Variants in AP3D1 observed in about 807,000 individuals in gnomAD.
AP3D1 encodes AP-3 complex subunit delta-1.
AP3D1 carries 51 observed loss-of-function variants against 147.6 expected under a neutral mutation model. The ratio of observed to expected loss-of-function variants is 0.35; its 90% CI spans 0.28 to 0.44. The LOEUF (loss-of-function observed/expected upper bound fraction) is 0.44, where lower values mean the gene tolerates loss of function less well. Ranked by LOEUF, AP3D1 falls within the 20% of genes least tolerant of loss-of-function variation. The probability of loss-of-function intolerance (pLI) is 1.00; values close to 1 mark genes in which losing one functional copy is unlikely to be tolerated. For missense variants in AP3D1, 1,421 were observed against 1,624.2 expected (o/e 0.87, Z 2.15); for synonymous variants, 760 against 663.0 (o/e 1.15, Z -2.25).
chr19:2,151,819 G>T (rs2019530256), upstream of AP3D1, among the ~76,000 whole-genome samples: 1 of 152,220 alleles, frequency 6.6e-6, no homozygotes, highest in Non-Finnish European at 1.5e-5. Flanking sequence ...CCCTAGCCAC[G>T]CCCCTTAGAG....
At chr19:2,124,580 C>T (rs1212443189) in intron 9 of AP3D1, among the ~76,000 whole-genome samples, 2 of 152,098 alleles carry the variant, frequency 1.3e-5, no homozygotes, top group Non-Finnish European at 2.9e-5. Flanking sequence ...TGTGCGTGTG[C>T]GTGTGCATGT....
chr19:2,143,266 A>G (rs550498040), intron 1 of AP3D1, among the ~76,000 whole-genome samples: 16 of 107,702 alleles, frequency 1.5e-4, no homozygotes, highest in East Asian at 8.9e-4. Context: ...TTTGAGACAG[A>G]GTCCTGCTCT....
At chr19:2,125,974 T>C (rs923099360) in intron 9 of AP3D1, among the ~76,000 whole-genome samples, 4 of 151,874 alleles carry the variant, frequency 2.6e-5, no homozygotes, top group African/African-American at 9.7e-5. Flanking sequence ...TAGTGAGACC[T>C]TGTCTCTACC....
At chr19:2,138,596 G>T in intron 2 of AP3D1, 23 bp downstream of exon 2, 2 of 1,587,056 alleles carry the variant, frequency 1.3e-6, no homozygotes, top group Non-Finnish European at 1.7e-6. Context: ...AGTGCTGGGC[G>T]CTGGCCACTG....
rs376618271 is a variant in AP3D1 at position 2,111,272 on chromosome 19, G to T, written c.2985+13C>A. 2 of 1,613,726 alleles carry T rather than the reference G, an allele frequency of 1.2e-6. No homozygotes were observed. The highest frequency in any genetic ancestry group is 1.3e-5 in the African/African-American group (1 of 74,920). On this transcript the variant is annotated intron_variant, in intron 26 of 31. Coordinates refer to ENST00000643116, the MANE Select transcript of AP3D1 (RefSeq NM_001261826.3). Reference sequence around the variant, plus strand: ...GCTGGCCCACCCTGCCCCTGGGAGCGGCTGCCACTCACCATTTTAACATAG... The same window carrying T: ...GCTGGCCCACCCTGCCCCTGGGAGCTGCTGCCACTCACCATTTTAACATAG...
chr19:2,154,229 G>A (rs2019627096), upstream of AP3D1, among the ~76,000 whole-genome samples: 1 of 151,318 alleles, frequency 6.6e-6, no homozygotes, highest in Non-Finnish European at 1.5e-5. Context: ...AATTACAGGT[G>A]TGAGCCACTG....
At chr19:2,142,849 G>A (rs544650692) in intron 1 of AP3D1, among the ~76,000 whole-genome samples, 2 of 151,442 alleles carry the variant, frequency 1.3e-5, no homozygotes, top group South Asian at 4.2e-4. Flanking sequence ...CACAACCTCC[G>A]CCTCCCAAGC....
At chr19:2,153,286 A>T (rs61309132), upstream of AP3D1, among the ~76,000 whole-genome samples, 17,783 of 151,368 alleles carry the variant, frequency 0.12, 1,281 homozygotes, top group East Asian at 0.22. Context: ...AGGCAGGAGA[A>T]TGACATGAGT....
intron 1 of AP3D1, among the ~76,000 whole-genome samples, chr19:2,147,345 C>CAAA (rs71176517): frequency 1.2e-5 from 1 of 80,284 alleles, no homozygotes; most frequent in African/African-American, 5.0e-5. Context: ...AACTCTGTCT[C>CAAA]AAAAAAAAAA....
At chr19:2,110,390 T>G (rs1438509984) in intron 27 of AP3D1, among the ~76,000 whole-genome samples, 166 bp from the exon 28 acceptor site, 5 of 152,078 alleles carry the variant, frequency 3.3e-5, no homozygotes, top group African/African-American at 2.4e-5. Context: ...AGGCTACTGG[T>G]GTCCCTAATT....
chr19:2,114,000 G>A, intron 22 of AP3D1, 125 bp downstream of exon 22: 1 of 1,445,824 alleles, frequency 6.9e-7, no homozygotes, highest in Non-Finnish European at 9.1e-7. Flanking sequence ...CACAGGGCGA[G>A]GCGGCTGGCA....
chr19:2,163,481 C>T (rs111517654), intron 1 of AP3D1, among the ~76,000 whole-genome samples: 5,963 of 143,942 alleles, frequency 0.041, 386 homozygotes, highest in African/African-American at 0.14. Context: ...GGTGAATCAC[C>T]GCGCCTGGCC....
intron 1 of AP3D1, among the ~76,000 whole-genome samples, chr19:2,139,146 G>C (rs1223259410): frequency 6.6e-6 from 1 of 150,638 alleles, no homozygotes; most frequent in Non-Finnish European, 1.5e-5. Context: ...GAAATGTCCA[G>C]ATCAGGCCAA....
At chr19:2,141,075 TG>T in intron 1 of AP3D1, among the ~76,000 whole-genome samples, 1 of 151,886 alleles carries the variant, frequency 6.6e-6, no homozygotes, top group Admixed American at 6.6e-5. Flanking sequence ...AGAAAAAAAA[TG>T]TATTAGTTGG....
At chr19:2,112,030 T>C (rs1429963907) in intron 24 of AP3D1, 9 of 812,662 alleles carry the variant, frequency 1.1e-5, no homozygotes, top group East Asian at 5.5e-5. Context: ...CCGTCTCTGG[T>C]TGGCGGCAAG....
At chr19:2,137,334 G>A (rs907607441) in intron 3 of AP3D1, among the ~76,000 whole-genome samples, 10 of 150,966 alleles carry the variant, frequency 6.6e-5, no homozygotes, top group Non-Finnish European at 1.3e-4. Flanking sequence ...TTTTCTTGGA[G>A]ACAAAGTCTC....
chr19:2,107,759 AGTGC>A (rs1257746711), intron 31 of AP3D1, among the ~76,000 whole-genome samples: 1 of 151,624 alleles, frequency 6.6e-6, no homozygotes, highest in African/African-American at 2.4e-5. Context: ...AAAAAAGAAA[AGTGC>A]AATAAAATGG....
chr19:2,141,664 T>C (rs2019223636), intron 1 of AP3D1, among the ~76,000 whole-genome samples: 1 of 151,964 alleles, frequency 6.6e-6, no homozygotes, highest in African/African-American at 2.4e-5. Flanking sequence ...ACGGTCTCGA[T>C]CTCTTGACCT....
In AP3D1 at chr19:2,101,666, G is replaced by GA. The variant is rs1294351993; in HGVS notation, c.*506dup. 6.5e-6 allele frequency: 1 copy of GA among 153,778 alleles called. No individual in the cohort carries two copies. Among genetic ancestry groups the GA allele is most frequent in the Non-Finnish European group, 1.4e-5 (1 of 68,984 alleles). 9.5% of individuals were successfully genotyped at this position (153,778 alleles called of 1,614,324 possible). On this transcript the variant is annotated 3_prime_UTR_variant, in exon 32 of 32. Coordinates refer to ENST00000643116, the MANE Select transcript of AP3D1 (RefSeq NM_001261826.3). ...ACTGACAATGGACAACGCCTGGCAAGACCGCTTTCCCACTGTGGGTTCTGG... is the reference window on the plus strand; with the variant it reads ...ACTGACAATGGACAACGCCTGGCAAGAACCGCTTTCCCACTGTGGGTTCTGG...
Sources: gnomAD v4.1 joint callset for allele counts (sites outside exome capture counted in the v4.1 genomes callset) on GRCh38, gnomAD v4.1.1 for gene constraint, MANE v1.5 for transcripts, NCBI Gene and HGNC (gene_info 2026-07-23, HGNC 2026-07-21) for gene names.